The following TRAP1 variants were observed in gnomAD, a reference collection of about 807,000 sequenced individuals.
TRAP1 encodes TNF receptor associated protein 1.
Under a neutral mutation model 89.1 loss-of-function variants are expected in TRAP1, and 102 were observed. The ratio of observed to expected loss-of-function variants is 1.15; its 90% CI spans 0.98 to 1.35. The LOEUF is 1.35. TRAP1 is among the 40% of genes most tolerant of loss of function. TRAP1 has a pLI of 0.00. For missense variants in TRAP1, 1,256 were observed against 945.3 expected (o/e 1.33, Z -4.31); for synonymous variants, 508 against 388.0 (o/e 1.31, Z -3.64).
chr16:3,677,382 TATAAAA>T, intron 6 of TRAP1, 110 bp downstream of exon 6: 1 of 1,391,144 alleles, frequency 7.2e-7, no homozygotes, highest in Non-Finnish European at 9.9e-7. Context: ...TCAGATTTCA[TATAAAA>T]AGCCCAGAAA....
chr16:3,713,542 G>A (rs1205098611), intron 1 of TRAP1, among the ~76,000 whole-genome samples: 5 of 152,306 alleles, frequency 3.3e-5, no homozygotes, highest in South Asian at 4.1e-4. Context: ...AGATCTTAAC[G>A]CCTGCACCAA....
intron 17 of TRAP1, chr16:3,658,440 G>T (rs2042852917): frequency 3.3e-6 from 2 of 597,098 alleles, no homozygotes; most frequent in Non-Finnish European, 5.9e-6. Flanking sequence ...TTTTAAAACA[G>T]AATTTGGCTG....
intron 1 of TRAP1, among the ~76,000 whole-genome samples, chr16:3,694,549 G>A (rs1482210828): frequency 6.6e-6 from 1 of 152,086 alleles, no homozygotes. Flanking sequence ...TGTTGGCCAG[G>A]CTGGTCTCCA....
At chr16:3,676,306 C>T (rs2050993125) in intron 6 of TRAP1, 161 bp from the exon 7 acceptor site, 2 of 468,146 alleles carry the variant, frequency 4.3e-6, no homozygotes, top group Non-Finnish European at 7.4e-6. Flanking sequence ...CTCAGGCCAT[C>T]ACATGCCCAT....
chr16:3,708,845 T>G (rs1489362282), intron 1 of TRAP1, among the ~76,000 whole-genome samples: 6 of 146,250 alleles, frequency 4.1e-5, no homozygotes, highest in African/African-American at 1.3e-4. Flanking sequence ...AGATGGAGTT[T>G]TGCTCTGTTG....
chr16:3,700,536 G>A (rs975978175), intron 1 of TRAP1, among the ~76,000 whole-genome samples: 5 of 151,922 alleles, frequency 3.3e-5, no homozygotes, highest in African/African-American at 9.7e-5. Flanking sequence ...GCACAATCTC[G>A]GCTCACTGCA....
At chr16:3,662,400 G>T in intron 15 of TRAP1, 1 of 575,200 alleles carries the variant, frequency 1.7e-6, no homozygotes, top group Non-Finnish European at 3.1e-6. Flanking sequence ...ATCGTCCTCT[G>T]CTCCATGCCA....
Position 3,671,750 on chromosome 16 carries a change from C to A in TRAP1, c.1207G>T (p.Glu403Ter). The A allele has an allele frequency of 2.5e-6, 4 of 1,613,236 alleles. No individual in the cohort carries two copies. Among genetic ancestry groups the A allele is most frequent in the Non-Finnish European group, 3.4e-6 (4 of 1,180,024 alleles). The change falls in exon 11 of 18, where the codon GAG becomes TAG. Residue 403 changes from glutamate to a stop codon, truncating the protein, a stop_gained. Coordinates refer to ENST00000246957, the MANE Select transcript of TRAP1 (RefSeq NM_016292.3). LOFTEE classifies it high-confidence loss of function. ...ATGAGTGCGCTCTCCTGCAGCAGCT[C>A]CCGGCTGAGGTTCAGGGGAATGTCC... ...SEDIPLNLSR[E>*]LLQESALIRK...
intron 2 of TRAP1, 137 bp downstream of exon 2, chr16:3,690,690 T>C: frequency 1.1e-6 from 1 of 947,070 alleles, no homozygotes. Flanking sequence ...GGCGCAGCAC[T>C]CCCTACAGCC....
intron 16 of TRAP1, 165 bp from the exon 17 acceptor site, chr16:3,659,030 C>A: frequency 3.0e-6 from 2 of 671,224 alleles, no homozygotes; most frequent in Non-Finnish European, 4.9e-6. Flanking sequence ...CATTATATAC[C>A]CAGAAAACCC....
chr16:3,671,658 G>C (rs924618370), intron 11 of TRAP1, 64 bp downstream of exon 11: 4 of 1,563,934 alleles, frequency 2.6e-6, no homozygotes, highest in Non-Finnish European at 3.5e-6. Flanking sequence ...GGCCCTCTGG[G>C]GGCAAAGGAG....
chr16:3,704,512 T>A (rs925456251), intron 1 of TRAP1, among the ~76,000 whole-genome samples: 4 of 152,160 alleles, frequency 2.6e-5, no homozygotes, highest in Non-Finnish European at 5.9e-5. Flanking sequence ...AGGAAATTCA[T>A]CAAATATTAA....
intron 5 of TRAP1, 28 bp downstream of exon 5, chr16:3,679,691 G>A: frequency 3.7e-6 from 6 of 1,613,142 alleles, no homozygotes; most frequent in Non-Finnish European, 4.2e-6. Flanking sequence ...AGGGGAAGGG[G>A]GAGGCTGTGT....
chr16:3,659,081 T>G, intron 16 of TRAP1: 1 of 540,938 alleles, frequency 1.8e-6, no homozygotes, highest in Non-Finnish European at 3.3e-6. Context: ...TGCTGTAAGG[T>G]AGCCAAACTC....
chr16:3,664,931 T>A (rs1015108376), intron 12 of TRAP1: 1 of 158,016 alleles, frequency 6.3e-6, no homozygotes. Context: ...GGGGAGGGGT[T>A]TGCCCTCCTC....
intron 16 of TRAP1, 112 bp downstream of exon 16, chr16:3,661,875 G>A (rs1027481653): frequency 4.2e-5 from 57 of 1,352,756 alleles, no homozygotes; most frequent in Non-Finnish European, 4.0e-5. Flanking sequence ...TTACCCACAT[G>A]TCCACAGGCC....
intron 1 of TRAP1, among the ~76,000 whole-genome samples, chr16:3,693,023 G>A (rs1450741675): frequency 6.6e-6 from 1 of 151,800 alleles, no homozygotes; most frequent in Non-Finnish European, 1.5e-5. Flanking sequence ...AGTGATCTCG[G>A]CTCACTGCAA....
At chr16:3,688,988 T>C (rs1282921249) in intron 3 of TRAP1, 67 bp downstream of exon 3, 2 of 1,426,216 alleles carry the variant, frequency 1.4e-6, no homozygotes, top group Non-Finnish European at 2.0e-6. Context: ...TTCTCCAGAA[T>C]GGCATAAAAA....
intron 4 of TRAP1, among the ~76,000 whole-genome samples, chr16:3,682,985 A>G (rs542626936): frequency 6.6e-6 from 1 of 151,894 alleles, no homozygotes; most frequent in East Asian, 1.9e-4. Context: ...CCTGACCGAC[A>G]TGGAGAAACT....
Sources: gnomAD v4.1 joint callset for allele counts (sites outside exome capture counted in the v4.1 genomes callset) on GRCh38, gnomAD v4.1.1 for gene constraint, MANE v1.5 for transcripts, NCBI Gene and HGNC (gene_info 2026-07-23, HGNC 2026-07-21) for gene names.